The following SNX4 variants were observed in gnomAD, a reference collection of about 807,000 sequenced individuals.
The protein encoded by SNX4 is sorting nexin-4.
SNX4 carries 49 observed loss-of-function variants against 70.8 expected under a neutral mutation model. The ratio of observed to expected loss-of-function variants is 0.69; its 90% CI spans 0.55 to 0.88. SNX4 has a LOEUF of 0.88. Ranked by LOEUF, SNX4 falls within the 40% of genes least tolerant of loss-of-function variation. The pLI is 0.00. For synonymous variants in SNX4, 206 were observed against 183.8 expected, an observed-to-expected ratio of 1.12 and a Z score of -0.98; for missense variants, 528 against 544.8, an observed-to-expected ratio of 0.97 and a Z score of 0.31.
At chr3:125,509,426 T>C (rs948010756) in intron 1 of SNX4, among the ~76,000 whole-genome samples, 1 of 150,990 alleles carries the variant, frequency 6.6e-6, no homozygotes, top group Non-Finnish European at 1.5e-5. Flanking sequence ...ATCCAGACTA[T>C]TTAGAGAACT....
chr3:125,483,280 T>C (rs1934456777), intron 6 of SNX4, among the ~76,000 whole-genome samples: 1 of 151,984 alleles, frequency 6.6e-6, no homozygotes, highest in African/African-American at 2.4e-5. Context: ...GAACTTAAGT[T>C]TCAAGAGGCT....
chr3:125,493,462 G>A (rs1378443291), intron 5 of SNX4, among the ~76,000 whole-genome samples: 1 of 151,552 alleles, frequency 6.6e-6, no homozygotes, highest in East Asian at 1.9e-4. Flanking sequence ...GACCATCCTG[G>A]CTAACACGGT....
chr3:125,509,161 C>T lies in SNX4; in HGVS notation c.142-4417G>A, dbSNP rs544874315. On this transcript the variant is annotated intron_variant, in intron 1 of 13. Transcript: ENST00000251775. ...CAGCCTGGCCCACATGGTGAAACCG[C>T]ATCTCTACAAAAATACAAAAATTAG... Among the ~76,000 whole-genome samples, 233 of 150,318 alleles carry T rather than the reference C, an allele frequency of 1.6e-3. 2 individuals are homozygous for T. The highest frequency in any genetic ancestry group is 5.5e-3 in the African/African-American group (224 of 40,818).
chr3:125,515,150 C>T (rs1285107780), intron 1 of SNX4, among the ~76,000 whole-genome samples: 1 of 151,064 alleles, frequency 6.6e-6, no homozygotes, highest in Non-Finnish European at 1.5e-5. Flanking sequence ...GAGTTCGAGA[C>T]CAGGCTGGCC....
Position 125,520,144 on chromosome 3 carries a change from C to A in SNX4, c.29G>T (p.Arg10Leu). Residue 10 changes from arginine (R) to leucine (L), a missense_variant, in exon 1 of 14, where the codon CGG becomes CTG. By Grantham distance (102) the Arg-to-Leu change is moderately radical. Coordinates refer to ENST00000251775, the MANE Select transcript of SNX4 (RefSeq NM_003794.4). MEQAPPDPE[R>L]QLQPAPLEPL... is the part of the protein sequence containing the mutation. ...CTCCAAGGGCGCCGGCTGGAGCTGC[C>A]GCTCGGGGTCCGGAGGTGCCTGCTC... 1 of 1,433,416 alleles carries A rather than the reference C, an allele frequency of 7.0e-7. No homozygotes were observed. Among genetic ancestry groups the A allele is most frequent in the South Asian group, 1.4e-5 (1 of 69,316 alleles). The allele number at this position is 1,433,416 out of a possible 1,614,324, so 88.8% of individuals were successfully genotyped here. A position where few individuals can be genotyped will look rare whatever the true frequency, so the allele number is the denominator to read the frequency against.
intron 1 of SNX4, among the ~76,000 whole-genome samples, chr3:125,518,928 G>A (rs572287703): frequency 6.6e-6 from 1 of 152,006 alleles, no homozygotes; most frequent in Non-Finnish European, 1.5e-5. Context: ...GATGAGAATC[G>A]CCTGAACCTG....
rs1188810582 is a variant in SNX4 at position 125,480,213 on chromosome 3, C to G, written c.726+34G>C. ...ATTACATGAGAAGCACTTCCTTATG[C>G]ATGTGCATCAAAAAGCTTTTGGGGA... On this transcript the variant is annotated intron_variant, in intron 7 of 13. Coordinates refer to ENST00000251775, the MANE Select transcript of SNX4 (RefSeq NM_003794.4). The G allele has an allele frequency of 3.0e-6, 4 of 1,330,918 alleles. No individual in the cohort carries two copies. The South Asian group carries it at 6.0e-5, about 20-fold the overall frequency. The allele number at this position is 1,330,918 out of a possible 1,614,324, so 82.4% of individuals were successfully genotyped here.
chr3:125,464,615 G>A (rs533546979), intron 9 of SNX4, among the ~76,000 whole-genome samples: 1 of 126,022 alleles, frequency 7.9e-6, no homozygotes, highest in Non-Finnish European at 1.6e-5. Context: ...CTCTCACCCA[G>A]GTTAAAATGC....
chr3:125,454,348 C>T (rs908464053), intron 11 of SNX4, among the ~76,000 whole-genome samples: 1 of 152,182 alleles, frequency 6.6e-6, no homozygotes, highest in African/African-American at 2.4e-5. Flanking sequence ...CTTAGGAGCA[C>T]GAACCCTATT....
intron 2 of SNX4, among the ~76,000 whole-genome samples, chr3:125,502,552 A>G (rs1400506429): frequency 3.3e-5 from 5 of 151,938 alleles, no homozygotes. Flanking sequence ...TGAAAATGGT[A>G]GGTTAAAATT....
At chr3:125,471,171 CCT>C (rs1934160582) in intron 8 of SNX4, among the ~76,000 whole-genome samples, 2 of 151,630 alleles carry the variant, frequency 1.3e-5, no homozygotes, top group Non-Finnish European at 2.9e-5. Flanking sequence ...ATGGAGAAAC[CCT>C]GTCTCTACTA....
At chr3:125,503,134 T>C (rs1275734042) in intron 2 of SNX4, among the ~76,000 whole-genome samples, 1 of 152,066 alleles carries the variant, frequency 6.6e-6, no homozygotes, top group Non-Finnish European at 1.5e-5. Flanking sequence ...CTCAAACTCC[T>C]GACCTCAGGT....
chr3:125,518,513 A>C (rs1205542844), intron 1 of SNX4, among the ~76,000 whole-genome samples: 1 of 152,148 alleles, frequency 6.6e-6, no homozygotes, highest in Admixed American at 6.5e-5. Flanking sequence ...TTATATACCC[A>C]GGTATGTTCC....
At chr3:125,517,113 C>G (rs1165316678) in intron 1 of SNX4, 1 of 152,126 alleles carries the variant, frequency 6.6e-6, no homozygotes, top group African/African-American at 2.4e-5. Flanking sequence ...GTTAACTACA[C>G]TAAAAACTTT....
chr3:125,465,372 A>T (rs1302258757), intron 9 of SNX4, among the ~76,000 whole-genome samples: 3 of 151,174 alleles, frequency 2.0e-5, no homozygotes, highest in Non-Finnish European at 4.4e-5. Flanking sequence ...CAGCCTCCTG[A>T]GTAGCTGGGA....
At chr3:125,487,565 A>G (rs1018747519) in intron 6 of SNX4, among the ~76,000 whole-genome samples, 1 of 152,190 alleles carries the variant, frequency 6.6e-6, no homozygotes, top group African/African-American at 2.4e-5. Context: ...CCAAAGTCAT[A>G]CACTTAGCTT....
rs367841806 is a variant in SNX4, at chr3:125,520,040, C to T, written c.133G>A (p.Val45Ile). The T allele has an allele frequency of 2.7e-5, 42 of 1,562,522 alleles. No homozygotes were observed. Among genetic ancestry groups the T allele is most frequent in the Non-Finnish European group, 3.5e-5 (41 of 1,156,400 alleles). The stretch of plus-strand genomic sequence containing the variant: ...CCGCCCCTTCTCCTCACCGTGTCGA[C>T]CCCAGAGCTCTCTTCTCCGGCCCCC... ...AEGAGEESSG[V>I]DTMTHNNFWL... The change falls in exon 1 of 14, where the codon GTC becomes ATC. Residue 45 changes from valine (V) to isoleucine (I), a missense_variant. Val to Ile is a conservative substitution (Grantham distance 29). Coordinates refer to ENST00000251775, the MANE Select transcript of SNX4 (RefSeq NM_003794.4).
chr3:125,492,742 A>C (rs1934691828), intron 5 of SNX4, among the ~76,000 whole-genome samples: 1 of 152,214 alleles, frequency 6.6e-6, no homozygotes, highest in Admixed American at 6.5e-5. Flanking sequence ...TTTCCAGCTC[A>C]TTCACTACTG....
intron 5 of SNX4, 126 bp from the exon 6 acceptor site, chr3:125,489,589 C>T (rs940512825): frequency 5.7e-6 from 4 of 699,414 alleles, no homozygotes; most frequent in Middle Eastern, 7.7e-4. Context: ...GTTGTAAACA[C>T]ATTAAACATG....
Sources: gnomAD v4.1 joint callset for allele counts (sites outside exome capture counted in the v4.1 genomes callset) on GRCh38, gnomAD v4.1.1 for gene constraint, MANE v1.5 for transcripts, NCBI Gene and HGNC (gene_info 2026-07-23, HGNC 2026-07-21) for gene names.